GAD2: variants seen among roughly 807,000 people sequenced by gnomAD.
GAD2 encodes glutamate decarboxylase 2, also known as 65 kDa glutamic acid decarboxylase.
Under a neutral mutation model 80.1 loss-of-function variants are expected in GAD2, and 22 were observed. The observed-to-expected ratio is 0.27, with a 90% CI of 0.20 to 0.39. The LOEUF is 0.39. GAD2 is among the 10% of genes least tolerant of loss of function. The pLI is 1.00. For missense variants in GAD2, 624 were observed against 738.4 expected, an observed-to-expected ratio of 0.85 and a Z score of 1.80; for synonymous variants, 274 against 256.9, an observed-to-expected ratio of 1.07 and a Z score of -0.64.
At chr10:26,252,371 C>T (rs1230905595) in intron 8 of GAD2, among the ~76,000 whole-genome samples, 3 of 151,336 alleles carry the variant, frequency 2.0e-5, no homozygotes, top group African/African-American at 7.3e-5. Flanking sequence ...GAGACAAGGT[C>T]TCACTCTGTC....
intron 8 of GAD2, among the ~76,000 whole-genome samples, chr10:26,260,368 C>G (rs956524993): frequency 5.3e-5 from 8 of 152,136 alleles, no homozygotes; most frequent in Non-Finnish European, 1.0e-4. Flanking sequence ...ATGGCTCACC[C>G]CTGTAATCCC....
chr10:26,223,686 GGT>G (rs112100102), intron 4 of GAD2, among the ~76,000 whole-genome samples, 199 bp from the exon 5 acceptor site: 22,631 of 148,744 alleles, frequency 0.15, 5,677 homozygotes, highest in African/African-American at 0.52. Context: ...ACGCTTTTAT[GGT>G]GTGTGTGTGT....
At position 26,230,066 on chromosome 10, in the gene GAD2, G is replaced by A. The variant is rs78741289; in HGVS notation, c.840+289G>A. 4.2e-3 allele frequency among the ~76,000 whole-genome samples: 635 copies of A among 152,256 alleles called. 6 individuals carry two copies. The highest frequency in any genetic ancestry group is 0.014 in the African/African-American group (601 of 41,544). On this transcript the variant is annotated intron_variant, in intron 7 of 15. Transcript: ENST00000376261. ...GTGGTAGCACCTATGATCCTAGGAC[G>A]CTGAGGTAGCAGAATTACTTGAGTT...
chr10:26,219,284 C>G lies in GAD2; in HGVS notation c.520+8C>G, dbSNP rs377665668. On this transcript the variant is annotated splice_region_variant and intron_variant, in intron 4 of 15. Transcript: ENST00000376261. ...AATATGCAATTAAAACAGGTATTGT[C>G]TCATCGAAAATAATAAAGCTCTTTT... 4.1e-6 allele frequency: 6 copies of G among 1,480,656 alleles called. No individual in the cohort carries two copies. The Admixed American group carries it at 7.9e-5, about 20-fold the overall frequency. The allele number at this position is 1,480,656 out of a possible 1,614,324, so 91.7% of individuals were successfully genotyped here.
intron 6 of GAD2, among the ~76,000 whole-genome samples, chr10:26,226,451 G>T (rs989006688): frequency 2.6e-5 from 4 of 152,232 alleles, no homozygotes; most frequent in Non-Finnish European, 4.4e-5. Context: ...TCACACTACA[G>T]TGCAGTGCAG....
intron 15 of GAD2, among the ~76,000 whole-genome samples, chr10:26,293,398 G>T (rs1489117996): frequency 6.6e-6 from 1 of 151,982 alleles, no homozygotes; most frequent in African/African-American, 2.4e-5. Flanking sequence ...GGCTGGTCTC[G>T]AACTCCTGAC....
chr10:26,229,833 A>G, intron 7 of GAD2, 56 bp downstream of exon 7: 1 of 1,301,998 alleles, frequency 7.7e-7, no homozygotes, highest in Non-Finnish European at 1.1e-6. Flanking sequence ...GCCCGAGTTT[A>G]AGGAGTGATG....
chr10:26,301,000 A>AC lies in GAD2; in HGVS notation c.*40dup. ...CAAGCTGTTCCACTTCTCTAGGTAG[A>AC]CAATTAAGTTGTCACAAACTGTGTG... On this transcript the variant is annotated 3_prime_UTR_variant, in exon 16 of 16. Coordinates refer to ENST00000376261, the MANE Select transcript of GAD2 (RefSeq NM_001134366.2). 6.5e-7 allele frequency: 1 copy of AC among 1,530,784 alleles called. No homozygotes were observed. 94.8% of individuals were successfully genotyped at this position (1,530,784 alleles called of 1,614,324 possible).
intron 7 of GAD2, among the ~76,000 whole-genome samples, chr10:26,236,011 C>T (rs1453973085): frequency 6.6e-6 from 1 of 152,222 alleles, no homozygotes; most frequent in Admixed American, 6.5e-5. Flanking sequence ...AAGCCTGGCC[C>T]ACACCCACAT....
At chr10:26,253,069 G>A (rs1441228153) in intron 8 of GAD2, among the ~76,000 whole-genome samples, 1 of 152,036 alleles carries the variant, frequency 6.6e-6, no homozygotes, top group South Asian at 2.1e-4. Flanking sequence ...TTGTTTGTTT[G>A]GACTAGGTTC....
At chr10:26,260,275 A>G (rs1844993837) in intron 8 of GAD2, among the ~76,000 whole-genome samples, 1 of 152,212 alleles carries the variant, frequency 6.6e-6, no homozygotes, top group African/African-American at 2.4e-5. Flanking sequence ...TACTATTAAA[A>G]AATGCTATTA....
Position 26,224,659 on chromosome 10 carries a change from A to T in GAD2, c.724+8A>T, listed in dbSNP as rs1309651376. ...ATGGGATATTTTCTCCCGGTACATG[A>T]TATTTCAACTTTCTTTGTGTTTTTT... On this transcript the variant is annotated splice_region_variant and intron_variant, in intron 6 of 15. Transcript: ENST00000376261. 6.3e-7 allele frequency: 1 copy of T among 1,577,358 alleles called. No homozygotes were observed. The highest frequency in any genetic ancestry group is 1.7e-5 in the Admixed American group (1 of 59,118).
At chr10:26,273,517 G>C (rs1845162520) in intron 10 of GAD2, 119 bp from the exon 11 acceptor site, 1 of 765,852 alleles carries the variant, frequency 1.3e-6, no homozygotes, top group African/African-American at 1.8e-5. Flanking sequence ...GCCAGAAGGA[G>C]GTGGTCAACT....
intron 15 of GAD2, among the ~76,000 whole-genome samples, chr10:26,294,240 A>G (rs970491458): frequency 6.6e-6 from 1 of 152,204 alleles, no homozygotes; most frequent in African/African-American, 2.4e-5. Context: ...ACTGCTCAGG[A>G]GCTTGGGCTG....
Position 26,303,364 on chromosome 10 carries a change from A to G in GAD2, c.*2403A>G, listed in dbSNP as rs1834346657. On this transcript the variant is annotated 3_prime_UTR_variant, in exon 16 of 16. Coordinates refer to ENST00000376261, the MANE Select transcript of GAD2 (RefSeq NM_001134366.2). ...CTGTAGCCCAAAGAAGGAAGCAAAT[A>G]AAAGCCTAGTAGGTCCCAGTAGTTT... The G allele has an allele frequency of 6.6e-6, 1 of 151,860 alleles. No homozygotes were observed. 9.4% of individuals were successfully genotyped at this position (151,860 alleles called of 1,614,324 possible). A position where few individuals can be genotyped will look rare whatever the true frequency, so the allele number is the denominator to read the frequency against.
In GAD2 at chr10:26,241,062, AGAGT is replaced by A. The variant is rs1267755414; in HGVS notation, c.841-4855_841-4852del. On this transcript the variant is annotated intron_variant, in intron 7 of 15. Transcript: ENST00000376261. Reference sequence around the variant, plus strand: ...GTCTCAAAAAAGAAAAAAAAAAGAGAGAGTGAGAGAAATTATTCTTCCATCAATC... The same window carrying A: ...GTCTCAAAAAAGAAAAAAAAAAGAGAGAGAGAAATTATTCTTCCATCAATC... 1.5e-3 allele frequency among the ~76,000 whole-genome samples: 234 copies of A among 152,170 alleles called. 1 individual carries two copies. The highest frequency in any genetic ancestry group is 5.5e-3 in the African/African-American group (228 of 41,528).
At position 26,226,727 on chromosome 10, in the gene GAD2, A is replaced by C. The variant is rs564686412; in HGVS notation, c.724+2076A>C. 3.0e-4 allele frequency among the ~76,000 whole-genome samples: 46 copies of C among 152,340 alleles called. 1 individual carries two copies. The South Asian group carries it at 8.9e-3, about 29-fold the overall frequency. On this transcript the variant is annotated intron_variant, in intron 6 of 15. Transcript: ENST00000376261. The stretch of plus-strand genomic sequence containing the variant: ...ATGTGAAGAGTTAGGTCTGTGACTT[A>C]AAACATACTGTGTCATAGCTCCATC...
At chr10:26,277,935 A>G (rs1386810185) in intron 11 of GAD2, among the ~76,000 whole-genome samples, 2 of 152,148 alleles carry the variant, frequency 1.3e-5, no homozygotes, top group Non-Finnish European at 2.9e-5. Flanking sequence ...CACAAACTGC[A>G]GAAGCCGCAT....
chr10:26,284,136 T>C (rs1845302601), intron 12 of GAD2, among the ~76,000 whole-genome samples: 1 of 152,196 alleles, frequency 6.6e-6, no homozygotes, highest in Non-Finnish European at 1.5e-5. Context: ...TCCAAGACTT[T>C]ATGATGCTCT....
Sources: allele counts gnomAD v4.1 joint callset (sites outside exome capture counted in the v4.1 genomes callset), GRCh38; gene constraint gnomAD v4.1.1; transcripts MANE v1.5; gene names NCBI Gene and HGNC (gene_info 2026-07-23, HGNC 2026-07-21).